CIB2: variants seen among roughly 807,000 people sequenced by gnomAD.
The protein encoded by CIB2 is calcium and integrin-binding family member 2.
A neutral mutation model predicts 23.1 loss-of-function variants in CIB2; 19 were observed. The ratio of observed to expected loss-of-function variants is 0.82; its 90% CI spans 0.57 to 1.21. CIB2 has a LOEUF of 1.21. Among genes scored for constraint, CIB2 ranks in the 50% most tolerant of loss-of-function variants. The pLI is 0.00. For missense variants in CIB2, 220 were observed against 241.5 expected, an observed-to-expected ratio of 0.91 and a Z score of 0.59; for synonymous variants, 94 against 91.7, an observed-to-expected ratio of 1.03 and a Z score of -0.14.
chr15:78,107,898 G>A (rs760886503), intron 4 of CIB2, among the ~76,000 whole-genome samples: 4 of 152,202 alleles, frequency 2.6e-5, no homozygotes, highest in Admixed American at 6.5e-5. Context: ...CAGTCTGGGC[G>A]TGGTGGCTCA....
intron 2 of CIB2, among the ~76,000 whole-genome samples, chr15:78,121,361 C>T (rs2074315140): frequency 6.6e-6 from 1 of 152,122 alleles, no homozygotes; most frequent in Admixed American, 6.5e-5. Flanking sequence ...CAGAGGGGTG[C>T]AGGCCAGGGC....
chr15:78,124,668 C>T (rs2074360236), intron 1 of CIB2, among the ~76,000 whole-genome samples: 1 of 152,188 alleles, frequency 6.6e-6, no homozygotes, highest in Non-Finnish European at 1.5e-5. Flanking sequence ...TTTAGCTCCT[C>T]CGCCTTTGTC....
intron 2 of CIB2, among the ~76,000 whole-genome samples, chr15:78,120,044 G>A: frequency 6.6e-6 from 1 of 151,384 alleles, no homozygotes; most frequent in Non-Finnish European, 1.5e-5. Context: ...GGGACTACAG[G>A]CACACACCAC....
At chr15:78,112,615 G>A (rs2074177075) in intron 2 of CIB2, among the ~76,000 whole-genome samples, 1 of 152,196 alleles carries the variant, frequency 6.6e-6, no homozygotes, top group Non-Finnish European at 1.5e-5. Flanking sequence ...TGGGACAAGT[G>A]TAAGGGGCAT....
At chr15:78,113,400 A>C (rs1251799502) in intron 2 of CIB2, among the ~76,000 whole-genome samples, 1 of 152,216 alleles carries the variant, frequency 6.6e-6, no homozygotes, top group African/African-American at 2.4e-5. Flanking sequence ...GAGACTCTCC[A>C]CAAGAGGGCA....
intron 4 of CIB2, among the ~76,000 whole-genome samples, chr15:78,107,152 G>T (rs1024923390): frequency 1.3e-5 from 2 of 152,060 alleles, no homozygotes; most frequent in East Asian, 3.9e-4. Context: ...GGAGAATGGC[G>T]TGAACCCAGG....
chr15:78,128,282 G>C (rs1296386422), intron 1 of CIB2, among the ~76,000 whole-genome samples: 1 of 152,222 alleles, frequency 6.6e-6, no homozygotes, highest in Non-Finnish European at 1.5e-5. Flanking sequence ...CAAAGGAGCA[G>C]GGAGAGCAGC....
intron 2 of CIB2, among the ~76,000 whole-genome samples, chr15:78,116,124 T>C (rs1165094490): frequency 2.0e-5 from 3 of 151,990 alleles, no homozygotes; most frequent in Non-Finnish European, 4.4e-5. Context: ...TTATAAGTAA[T>C]GTAGTAATGA....
Position 78,105,017 on chromosome 15 carries a change from G to T in CIB2, c.*294C>A. On this transcript the variant is annotated 3_prime_UTR_variant, in exon 6 of 6. Coordinates refer to ENST00000258930, the MANE Select transcript of CIB2 (RefSeq NM_006383.4). ...TATCTGCTTTTCCCTCTTTGGGGGG[G>T]TGGGGAGCATTTCTGGAGTAGGAAA... 4.5e-6 allele frequency: 2 copies of T among 440,550 alleles called. No individual in the cohort carries two copies. Among genetic ancestry groups the T allele is most frequent in the East Asian group, 4.1e-5 (1 of 24,364 alleles). 27.3% of individuals were successfully genotyped at this position (440,550 alleles called of 1,614,324 possible).
At chr15:78,110,810 C>T (rs1336884422) in intron 3 of CIB2, 1 of 466,258 alleles carries the variant, frequency 2.1e-6, no homozygotes, top group African/African-American at 2.0e-5. Flanking sequence ...ACCATGCTGA[C>T]CTCAGTGAGA....
intron 3 of CIB2, among the ~76,000 whole-genome samples, chr15:78,109,904 T>C (rs1039860317): frequency 6.6e-6 from 1 of 151,832 alleles, no homozygotes; most frequent in Non-Finnish European, 1.5e-5. Flanking sequence ...AGATTCGTCC[T>C]GTTACCCAGA....
At chr15:78,126,436 G>T (rs973272902) in intron 1 of CIB2, among the ~76,000 whole-genome samples, 1 of 152,134 alleles carries the variant, frequency 6.6e-6, no homozygotes, top group African/African-American at 2.4e-5. Flanking sequence ...GAGCTACCAC[G>T]CATAGCCTTC....
At chr15:78,107,513 T>C (rs955896561) in intron 4 of CIB2, among the ~76,000 whole-genome samples, 1 of 152,150 alleles carries the variant, frequency 6.6e-6, no homozygotes, top group African/African-American at 2.4e-5. Context: ...GAGATGATCA[T>C]TGTTGCAAAT....
intron 3 of CIB2, chr15:78,109,597 C>T (rs2074125188): frequency 1.7e-6 from 1 of 595,776 alleles, no homozygotes; most frequent in Non-Finnish European, 3.0e-6. Flanking sequence ...TGGTACCAGG[C>T]CCGGCACATG....
chr15:78,122,978 C>T (rs572567712), intron 2 of CIB2, among the ~76,000 whole-genome samples: 48 of 152,342 alleles, frequency 3.2e-4, no homozygotes, highest in Middle Eastern at 3.4e-3. Context: ...CTTTTAGTGC[C>T]ACCCAGGCAG....
At chr15:78,109,601 G>A (rs946973687) in intron 3 of CIB2, 7 of 584,826 alleles carry the variant, frequency 1.2e-5, no homozygotes, top group East Asian at 3.0e-5. Flanking sequence ...ACCAGGCCCG[G>A]CACATGTAAG....
intron 2 of CIB2, 145 bp from the exon 3 acceptor site, chr15:78,111,421 G>A: frequency 1.6e-6 from 1 of 636,288 alleles, no homozygotes; most frequent in Non-Finnish European, 2.7e-6. Context: ...TCTCTGCTCT[G>A]CCCACAGGGT....
At chr15:78,128,115 A>G (rs976775096) in intron 1 of CIB2, among the ~76,000 whole-genome samples, 1 of 152,254 alleles carries the variant, frequency 6.6e-6, no homozygotes. Context: ...GGTGCCCAGT[A>G]TAAACCATTC....
chr15:78,125,480 C>T (rs2074369841), intron 1 of CIB2, among the ~76,000 whole-genome samples: 1 of 152,126 alleles, frequency 6.6e-6, no homozygotes, highest in African/African-American at 2.4e-5. Flanking sequence ...CTATCCAGGT[C>T]CTGATTCAAG....
Sources: gnomAD v4.1 joint callset for allele counts (sites outside exome capture counted in the v4.1 genomes callset) on GRCh38, gnomAD v4.1.1 for gene constraint, MANE v1.5 for transcripts, NCBI Gene and HGNC (gene_info 2026-07-23, HGNC 2026-07-21) for gene names.